Variants in ARIH1 observed in about 807,000 individuals in gnomAD.
ARIH1 encodes the protein ariadne RBR E3 ubiquitin protein ligase 1.
ARIH1 carries 8 observed loss-of-function variants against 85.0 expected under a neutral mutation model. That is an observed-to-expected ratio of 0.09 (90% CI 0.06 to 0.17). The LOEUF (loss-of-function observed/expected upper bound fraction) is 0.17. Ranked by LOEUF, ARIH1 falls within the 10% of genes least tolerant of loss-of-function variation. The probability of loss-of-function intolerance (pLI) is 1.00; values close to 1 mark genes in which losing one functional copy is unlikely to be tolerated. For synonymous variants in ARIH1, 238 were observed against 253.6 expected, an observed-to-expected ratio of 0.94 and a Z score of 0.59; for missense variants, 311 against 718.1, an observed-to-expected ratio of 0.43 and a Z score of 6.48.
At position 72,544,888 on chromosome 15, in the gene ARIH1, G is replaced by A. The variant is rs770559164; in HGVS notation, c.512G>A (p.Arg171Gln). The change falls in exon 3 of 14, where the codon CGA becomes CAA. Residue 171 changes from arginine (R) to glutamine (Q), a missense_variant. Arg to Gln is a conservative substitution (Grantham distance 43, BLOSUM62 1). Around this residue, in one of 3 missense-constraint regions of ARIH1, gnomAD observed 104 missense variants for 221.4 expected, o/e 0.47. Transcript: ENST00000379887. ...CHVINPSKKSRTRQMNTRSSA... is the reference protein window; with the variant it reads ...CHVINPSKKSQTRQMNTRSSA... Reference sequence around the variant, plus strand: ...GTAATTAATCCAAGTAAAAAGTCTCGAACACGCCAGATGAATACAAGGTCA... The same window carrying A: ...GTAATTAATCCAAGTAAAAAGTCTCAAACACGCCAGATGAATACAAGGTCA... 3.7e-6 allele frequency: 6 copies of A among 1,613,432 alleles called. No individual in the cohort carries two copies. Among genetic ancestry groups the A allele is most frequent in the Middle Eastern group, 1.6e-4 (1 of 6,082 alleles).
rs1049767449 is a variant in ARIH1, at chr15:72,590,104, A to G, written c.*6812A>G. The G allele has an allele frequency of 1.3e-5, 2 of 152,274 alleles. No homozygotes were observed. The highest frequency in any genetic ancestry group is 2.1e-4 in the South Asian group (1 of 4,832). 9.4% of individuals were successfully genotyped at this position (152,274 alleles called of 1,614,324 possible). On this transcript the variant is annotated 3_prime_UTR_variant, in exon 14 of 14. Transcript: ENST00000379887. ...ACAAACCTAGGTTTTATTGGTCAGC[A>G]CACACAGTGCCGGGCACTGGCAGTA...
chr15:72,560,901 T>C (rs574095530), intron 5 of ARIH1, among the ~76,000 whole-genome samples: 8 of 152,314 alleles, frequency 5.3e-5, no homozygotes, highest in Admixed American at 5.2e-4. Flanking sequence ...CGTGGGATCC[T>C]GTGAATTCTG....
chr15:72,542,846 T>TTA (rs2064113283), intron 2 of ARIH1, among the ~76,000 whole-genome samples: 1 of 152,142 alleles, frequency 6.6e-6, no homozygotes, highest in South Asian at 2.1e-4. Context: ...AACAAGGTGT[T>TTA]TAGCTGGTTT....
rs1177238752 is a variant in ARIH1, at chr15:72,567,290, C to A, written c.1026+113C>A. The A allele has an allele frequency of 4.0e-6, 3 of 751,502 alleles. No homozygotes were observed. The African/African-American group carries it at 5.5e-5, about 14-fold the overall frequency. The allele number at this position is 751,502 out of a possible 1,614,324, so 46.6% of individuals were successfully genotyped here. A position where few individuals can be genotyped will look rare whatever the true frequency, so the allele number is the denominator to read the frequency against. ...TACAGGCTTTGTTTCATCTTTTTCT[C>A]CATTGAGTCTTTTTTTTTTTTTCCC... On this transcript the variant is annotated intron_variant, in intron 9 of 13. Coordinates refer to ENST00000379887, the MANE Select transcript of ARIH1 (RefSeq NM_005744.5).
chr15:72,480,570 G>T (rs1402308465), intron 1 of ARIH1, among the ~76,000 whole-genome samples: 1 of 149,844 alleles, frequency 6.7e-6, no homozygotes, highest in East Asian at 2.0e-4. Flanking sequence ...CACACTTTTT[G>T]TTGTTGTTGT....
intron 6 of ARIH1, 117 bp downstream of exon 6, chr15:72,561,666 G>A: frequency 3.1e-6 from 2 of 651,812 alleles, no homozygotes; most frequent in Non-Finnish European, 5.0e-6. Flanking sequence ...TATGAAGCAT[G>A]CCAAAATACC....
At chr15:72,567,299 C>A in intron 9 of ARIH1, 122 bp downstream of exon 9, 1 of 559,734 alleles carries the variant, frequency 1.8e-6, no homozygotes, top group Non-Finnish European at 3.0e-6. Context: ...TCCATTGAGT[C>A]TTTTTTTTTT....
intron 1 of ARIH1, among the ~76,000 whole-genome samples, chr15:72,500,928 G>A (rs997393457): frequency 6.6e-6 from 1 of 152,184 alleles, no homozygotes; most frequent in Admixed American, 6.5e-5. Flanking sequence ...GTGATTTAAT[G>A]TAATCCTTAA....
At chr15:72,479,521 G>GC (rs2063806992) in intron 1 of ARIH1, among the ~76,000 whole-genome samples, 2 of 151,938 alleles carry the variant, frequency 1.3e-5, no homozygotes, top group South Asian at 4.1e-4. Context: ...CGATTCTCCT[G>GC]CCTCAGCCTC....
At chr15:72,496,167 G>A (rs2063879276) in intron 1 of ARIH1, among the ~76,000 whole-genome samples, 1 of 152,106 alleles carries the variant, frequency 6.6e-6, no homozygotes, top group South Asian at 2.1e-4. Flanking sequence ...GCCTACCAAA[G>A]TGTTGGGATT....
intron 1 of ARIH1, among the ~76,000 whole-genome samples, chr15:72,479,862 C>G (rs1212751804): frequency 6.6e-6 from 1 of 151,406 alleles, no homozygotes; most frequent in African/African-American, 2.4e-5. Context: ...AGACAGTGTA[C>G]TATTCTTTTT....
chr15:72,475,068 G>T, intron 1 of ARIH1, 54 bp downstream of exon 1: 1 of 1,542,116 alleles, frequency 6.5e-7, no homozygotes, highest in Non-Finnish European at 8.8e-7. Context: ...AGCGGATTCA[G>T]GCGGCACGCG....
intron 1 of ARIH1, among the ~76,000 whole-genome samples, chr15:72,480,263 A>T (rs1024547807): frequency 1.7e-4 from 23 of 136,222 alleles, no homozygotes; most frequent in Non-Finnish European, 3.2e-4. Flanking sequence ...GAACCTTCAA[A>T]TTTTTTTTTT....
chr15:72,541,276 A>G (rs776891413), intron 2 of ARIH1, among the ~76,000 whole-genome samples: 1 of 152,192 alleles, frequency 6.6e-6, no homozygotes, highest in African/African-American at 2.4e-5. Flanking sequence ...GCCCTGCCTC[A>G]GCTTCTCTCC....
At chr15:72,507,817 A>G (rs556924623) in intron 1 of ARIH1, among the ~76,000 whole-genome samples, 11 of 152,372 alleles carry the variant, frequency 7.2e-5, no homozygotes, top group South Asian at 4.1e-4. Flanking sequence ...TTACTAATCA[A>G]CTTTTTCAAA....
At chr15:72,581,195 T>G (rs1284930403) in intron 12 of ARIH1, among the ~76,000 whole-genome samples, 1 of 152,200 alleles carries the variant, frequency 6.6e-6, no homozygotes, top group Non-Finnish European at 1.5e-5. Context: ...AGCTAGTGAT[T>G]AGGTATGCAG....
At chr15:72,547,152 C>A (rs2064133199) in intron 3 of ARIH1, among the ~76,000 whole-genome samples, 2 of 151,666 alleles carry the variant, frequency 1.3e-5, no homozygotes, top group African/African-American at 2.4e-5. Flanking sequence ...TGGTCTCGAT[C>A]TCCTGACCTC....
At chr15:72,561,651 A>G (rs1344421876) in intron 6 of ARIH1, 102 bp downstream of exon 6, 4 of 738,706 alleles carry the variant, frequency 5.4e-6, no homozygotes, top group African/African-American at 1.8e-5. Context: ...CATCTTTAAC[A>G]TATTTATGAA....
intron 10 of ARIH1, 130 bp downstream of exon 10, chr15:72,570,437 G>T: frequency 8.6e-7 from 1 of 1,160,482 alleles, no homozygotes; most frequent in Admixed American, 2.5e-5. Context: ...TGTGATTAAT[G>T]TTATAAGTCT....
Sources: gnomAD v4.1 joint callset for allele counts (sites outside exome capture counted in the v4.1 genomes callset) on GRCh38, gnomAD v4.1.1 for gene constraint, gnomAD v4.1.1 regional missense constraint, MANE v1.5 for transcripts, NCBI Gene and HGNC (gene_info 2026-07-23, HGNC 2026-07-21) for gene names.